The following EXOC4 variants were observed in gnomAD, a reference collection of about 807,000 sequenced individuals.
EXOC4 encodes SEC8-like 1.
EXOC4 carries 71 observed loss-of-function variants against 107.2 expected under a neutral mutation model. That is an observed-to-expected ratio of 0.66 (90% CI 0.55 to 0.81). The LOEUF is 0.81. Among genes scored for constraint, EXOC4 ranks in the 30% least tolerant of loss-of-function variants. The pLI is 0.00. For missense variants in EXOC4, 1,108 were observed against 1,189.6 expected (o/e 0.93, Z 1.01); for synonymous variants, 456 against 441.2 (o/e 1.03, Z -0.42).
intron 5 of EXOC4, among the ~76,000 whole-genome samples, chr7:133,329,670 C>T (rs1362420039): frequency 6.6e-6 from 1 of 152,184 alleles, no homozygotes; most frequent in Non-Finnish European, 1.5e-5. Flanking sequence ...TTCCTTCTAA[C>T]AGTCAGGACC....
chr7:133,838,340 G>T lies in EXOC4; in HGVS notation c.1734+20796G>T, dbSNP rs865997642. ...TTCACATGTCCTGTAGTCTCTAGGG[G>T]TATAAATTGATGCTGTTTAATAGAA... On this transcript the variant is annotated intron_variant, in intron 11 of 17. Transcript: ENST00000253861. Among the ~76,000 whole-genome samples the T allele has an allele frequency of 3.1e-4, 47 of 152,224 alleles. No homozygotes were observed. In the Middle Eastern group the frequency reaches 0.01, roughly 33 times the overall value.
intron 11 of EXOC4, among the ~76,000 whole-genome samples, chr7:133,822,058 T>C (rs1458978237): frequency 1.3e-5 from 2 of 152,246 alleles, no homozygotes; most frequent in Admixed American, 6.5e-5. Context: ...ATACATCTCA[T>C]GGTCTTACCA....
intron 7 of EXOC4, among the ~76,000 whole-genome samples, chr7:133,403,274 A>C (rs545334344): frequency 6.6e-6 from 1 of 152,234 alleles, no homozygotes; most frequent in Non-Finnish European, 1.5e-5. Flanking sequence ...CATGCCTGCT[A>C]TCCATAAGCA....
chr7:133,755,287 T>C (rs1795887948), intron 10 of EXOC4, among the ~76,000 whole-genome samples: 1 of 104,946 alleles, frequency 9.5e-6, no homozygotes, highest in African/African-American at 4.0e-5. Context: ...ATATATTATA[T>C]ACATATTATA....
the EXOC4 span, among the ~76,000 whole-genome samples, chr7:134,087,106 A>C: frequency 6.6e-6 from 1 of 152,102 alleles, no homozygotes; most frequent in African/African-American, 2.4e-5. Context: ...TGCCTTAACC[A>C]TCTGGAAATG....
intron 10 of EXOC4, among the ~76,000 whole-genome samples, chr7:133,670,545 A>G (rs1336718253): frequency 1.3e-5 from 2 of 151,012 alleles, no homozygotes; most frequent in African/African-American, 4.8e-5. Flanking sequence ...CCTCTTTGTC[A>G]GGGGCATGAG....
chr7:133,843,243 T>C (rs908122170), intron 11 of EXOC4, among the ~76,000 whole-genome samples: 2 of 152,202 alleles, frequency 1.3e-5, no homozygotes, highest in Non-Finnish European at 2.9e-5. Flanking sequence ...GCACTGAATC[T>C]GTAAATTGCT....
chr7:133,662,017 C>T (rs1793703354), intron 10 of EXOC4, among the ~76,000 whole-genome samples: 1 of 152,022 alleles, frequency 6.6e-6, no homozygotes, highest in African/African-American at 2.4e-5. Flanking sequence ...TGGATGAGCT[C>T]ATTAAATCTT....
chr7:134,004,471 A>G (rs1218526736), intron 15 of EXOC4, among the ~76,000 whole-genome samples: 1 of 152,228 alleles, frequency 6.6e-6, no homozygotes, highest in Non-Finnish European at 1.5e-5. Flanking sequence ...TACACTTTTA[A>G]GATCTATAAA....
intron 3 of EXOC4, among the ~76,000 whole-genome samples, chr7:133,298,389 G>A (rs1373798529): frequency 6.6e-6 from 1 of 152,116 alleles, no homozygotes; most frequent in Non-Finnish European, 1.5e-5. Context: ...AAAGAGAGTT[G>A]TTCTGTAACT....
chr7:133,932,965 A>G (rs928930968), intron 13 of EXOC4, among the ~76,000 whole-genome samples: 4 of 152,194 alleles, frequency 2.6e-5, no homozygotes, highest in African/African-American at 9.7e-5. Context: ...GTGATCAGAT[A>G]CAGCACAGGT....
At chr7:134,003,687 G>T (rs188007868) in intron 15 of EXOC4, among the ~76,000 whole-genome samples, 4 of 152,002 alleles carry the variant, frequency 2.6e-5, no homozygotes, top group Non-Finnish European at 5.9e-5. Flanking sequence ...GACTAGACTG[G>T]GCTTATGGAA....
rs139525183 is a variant in EXOC4, at chr7:133,736,731, G to C, written c.1515-80594G>C. ...TTCCTGTTCCAAAAATACTACTTCT[G>C]CCCCAATTATTAACCTGGGTAGTTG... is the stretch of plus-strand genomic sequence containing the variant. On this transcript the variant is annotated intron_variant, in intron 10 of 17. Coordinates refer to ENST00000253861, the MANE Select transcript of EXOC4 (RefSeq NM_021807.4). 7.2e-5 allele frequency among the ~76,000 whole-genome samples: 11 copies of C among 152,100 alleles called. No homozygotes were observed. The East Asian group carries it at 2.1e-3, about 29-fold the overall frequency.
chr7:133,602,346 G>A (rs764212444), intron 9 of EXOC4, among the ~76,000 whole-genome samples: 3 of 152,154 alleles, frequency 2.0e-5, no homozygotes, highest in African/African-American at 7.2e-5. Flanking sequence ...CCAAATCCCT[G>A]ACTGTTTTTG....
rs568309580 is a variant in EXOC4, at chr7:133,351,482, G to A, written c.764-4848G>A. 9.9e-5 allele frequency among the ~76,000 whole-genome samples: 15 copies of A among 151,982 alleles called. No homozygotes were observed. In the East Asian group the frequency reaches 2.3e-3, roughly 23 times the overall value. ...TATGTTATATAACTTGGTGTTGTAC[G>A]ATTATTCACAGTACTCTGTTTAATT... is the stretch of plus-strand genomic sequence containing the variant. On this transcript the variant is annotated intron_variant, in intron 5 of 17. Coordinates refer to ENST00000253861, the MANE Select transcript of EXOC4 (RefSeq NM_021807.4).
chr7:133,320,357 C>G (rs897719454), intron 5 of EXOC4, among the ~76,000 whole-genome samples: 3 of 152,166 alleles, frequency 2.0e-5, no homozygotes, highest in African/African-American at 7.2e-5. Flanking sequence ...CTTTCTGGCT[C>G]CTGGAGGCCA....
In EXOC4 at chr7:133,540,857, T is replaced by TA. The variant is rs1445640683; in HGVS notation, c.1417+60727dup. Among the ~76,000 whole-genome samples, 5 of 152,180 alleles carry TA rather than the reference T, an allele frequency of 3.3e-5. No individual in the cohort carries two copies. In the East Asian group the frequency reaches 9.6e-4, roughly 29 times the overall value. On this transcript the variant is annotated intron_variant, in intron 9 of 17. Transcript: ENST00000253861. ...CTCTATTTACTGCTCATCAGAAAAC[T>TA]AAAAAAAATTTTGTTTTGAAATTTG...
intron 9 of EXOC4, among the ~76,000 whole-genome samples, chr7:133,611,780 C>T (rs1024633958): frequency 1.3e-5 from 2 of 152,132 alleles, no homozygotes; most frequent in African/African-American, 4.8e-5. Context: ...TGTAAATTAG[C>T]CCCTAATAGA....
At chr7:133,937,105 C>G (rs1291315346) in intron 13 of EXOC4, among the ~76,000 whole-genome samples, 2 of 152,182 alleles carry the variant, frequency 1.3e-5, no homozygotes, top group African/African-American at 4.8e-5. Context: ...TTCTTCATCT[C>G]TGCAGTGGCT....
Sources: allele counts gnomAD v4.1 joint callset (sites outside exome capture counted in the v4.1 genomes callset), GRCh38; gene constraint gnomAD v4.1.1; transcripts MANE v1.5; gene names NCBI Gene and HGNC (gene_info 2026-07-23, HGNC 2026-07-21).